Variants in LCP1 observed in about 807,000 individuals in gnomAD.
LCP1 encodes the protein lymphocyte cytosolic protein 1.
A neutral mutation model predicts 72.0 loss-of-function variants in LCP1; 23 were observed. The ratio of observed to expected loss-of-function variants is 0.32; its 90% CI spans 0.23 to 0.45. LCP1 has a LOEUF of 0.45. LCP1 is among the 20% of genes least tolerant of loss of function. The pLI is 1.00. For synonymous variants in LCP1, 245 were observed against 275.4 expected (o/e 0.89, Z 1.09); for missense variants, 571 against 748.3 (o/e 0.76, Z 2.76).
In LCP1 at chr13:46,152,909, T is replaced by C. The variant is rs772317136; in HGVS notation, c.610A>G (p.Ile204Val). The C allele has an allele frequency of 6.2e-7, 1 of 1,613,776 alleles. No individual in the cohort carries two copies. The highest frequency in any genetic ancestry group is 1.7e-5 in the Admixed American group (1 of 59,902). The stretch of plus-strand genomic sequence containing the variant: ...CCTATGTTGACCACATGGCACCCGA[T>C]GGCTGAGGCAGAGTTCAGAGCCAAG... ...LNLALNSASA[I>V]GCHVVNIGAE... The change falls in exon 7 of 16, where the codon ATC (isoleucine) becomes GTC (valine). Residue 204 changes from isoleucine to valine, a missense_variant. By Grantham distance (29) the Ile-to-Val change is conservative. Transcript: ENST00000323076.
chr13:46,147,519 T>C (rs1363432189), intron 9 of LCP1, among the ~76,000 whole-genome samples: 1 of 152,210 alleles, frequency 6.6e-6, no homozygotes, highest in Non-Finnish European at 1.5e-5. Context: ...CCATAACCAG[T>C]TCACAAAAGA....
Position 46,134,256 on chromosome 13 carries a change from C to T in LCP1, c.1503-6G>A. The T allele has an allele frequency of 1.2e-6, 2 of 1,604,004 alleles. No individual in the cohort carries two copies. The highest frequency in any genetic ancestry group is 1.7e-6 in the Non-Finnish European group (2 of 1,174,756). On this transcript the variant is annotated splice_region_variant and splice_polypyrimidine_tract_variant and intron_variant, in intron 13 of 15. Coordinates refer to ENST00000323076, the MANE Select transcript of LCP1 (RefSeq NM_002298.5). ...CGAGGATATTCAGTGTATACCTGAA[C>T]AAAATAAAGAATGCTTTCTGGAGAA...
chr13:46,143,485 T>A, intron 11 of LCP1, 81 bp from the exon 12 acceptor site: 1 of 885,016 alleles, frequency 1.1e-6, no homozygotes, highest in South Asian at 1.4e-5. Context: ...CTTTCTTACA[T>A]ATTAGTTCAA....
At chr13:46,162,589 C>T (rs1205881929) in intron 1 of LCP1, among the ~76,000 whole-genome samples, 3 of 152,100 alleles carry the variant, frequency 2.0e-5, no homozygotes, top group Non-Finnish European at 4.4e-5. Flanking sequence ...GGCGGAGTCT[C>T]GTTCACTCAG....
chr13:46,142,712 C>A (rs2045705800), intron 12 of LCP1: 2 of 524,920 alleles, frequency 3.8e-6, no homozygotes, highest in Non-Finnish European at 7.3e-6. Context: ...GGAGAGCCAT[C>A]CTTAATTACC....
intron 5 of LCP1, among the ~76,000 whole-genome samples, chr13:46,155,376 T>G (rs2045794089): frequency 6.6e-6 from 1 of 152,158 alleles, no homozygotes; most frequent in Admixed American, 6.5e-5. Flanking sequence ...CTAGGCTGAG[T>G]ACCAATGAGT....
intron 13 of LCP1, among the ~76,000 whole-genome samples, chr13:46,135,999 A>G (rs1454475156): frequency 6.6e-6 from 1 of 150,910 alleles, no homozygotes; most frequent in Non-Finnish European, 1.5e-5. Context: ...GCCCTTTACA[A>G]TTTGGCTCTA....
intron 7 of LCP1, among the ~76,000 whole-genome samples, chr13:46,151,386 G>A (rs1032859518): frequency 2.0e-5 from 3 of 152,300 alleles, no homozygotes; most frequent in East Asian, 1.9e-4. Flanking sequence ...CTACTGGCTC[G>A]GATGTTTTGC....
intron 1 of LCP1, among the ~76,000 whole-genome samples, chr13:46,167,068 G>A (rs1027516188): frequency 6.6e-6 from 1 of 152,132 alleles, no homozygotes; most frequent in Non-Finnish European, 1.5e-5. Flanking sequence ...TCTCCCTGCA[G>A]ATACATGGAT....
Position 46,130,894 on chromosome 13 carries a change from A to G in LCP1, c.1671T>C (p.Asp557=). Residue 557 remains aspartate, a synonymous_variant, in exon 15 of 16, where the codon GAT becomes GAC. Coordinates refer to ENST00000323076, the MANE Select transcript of LCP1 (RefSeq NM_002298.5). ...AGTTAATGGAACCTGGTTGGATGGC[A>G]TCGATGAGGTCCAGAACAGGCAGAC... The part of the protein sequence containing the change: ...STSLPVLDLI[D]AIQPGSINYD... The G allele has an allele frequency of 6.2e-7, 1 of 1,612,794 alleles. No individual in the cohort carries two copies. The highest frequency in any genetic ancestry group is 8.5e-7 in the Non-Finnish European group (1 of 1,179,490).
intron 13 of LCP1, among the ~76,000 whole-genome samples, chr13:46,138,021 G>A (rs992810859): frequency 2.0e-5 from 3 of 152,354 alleles, no homozygotes; most frequent in African/African-American, 7.2e-5. Flanking sequence ...CCTGGGGAGA[G>A]TTTCCTAATT....
intron 1 of LCP1, among the ~76,000 whole-genome samples, chr13:46,175,730 T>C (rs1457225677): frequency 1.3e-5 from 2 of 152,102 alleles, no homozygotes; most frequent in Non-Finnish European, 2.9e-5. Context: ...ATCCAAAGTT[T>C]TCCAAGGTGC....
intron 11 of LCP1, among the ~76,000 whole-genome samples, chr13:46,144,199 A>G (rs1051877941): frequency 6.6e-6 from 1 of 152,242 alleles, no homozygotes; most frequent in South Asian, 2.1e-4. Flanking sequence ...CACTTATGAC[A>G]TATAGTAAAT....
rs113348155 is a variant in LCP1, at chr13:46,128,553, G to A, written c.1752-830C>T. Among the ~76,000 whole-genome samples the A allele has an allele frequency of 7.8e-3, 1,185 of 152,104 alleles. 12 individuals carry two copies. Among genetic ancestry groups the A allele is most frequent in the African/African-American group, 0.027 (1,117 of 41,504 alleles). Reference sequence around the variant, plus strand: ...GCGGAGGCTGCAGTGAGCCAAGATCGTGCCACTGTAGTCCAGCCTGGGCAA... The same window carrying A: ...GCGGAGGCTGCAGTGAGCCAAGATCATGCCACTGTAGTCCAGCCTGGGCAA... On this transcript the variant is annotated intron_variant, in intron 15 of 15. Coordinates refer to ENST00000323076, the MANE Select transcript of LCP1 (RefSeq NM_002298.5).
In LCP1 at chr13:46,164,396, C is replaced by T. The variant is rs568353863; in HGVS notation, c.-24-4710G>A. ...ATTCATTTAAAAGACATAGAAAGTA[C>T]ATGTATTTTAAAATCATATTATTTT... On this transcript the variant is annotated intron_variant, in intron 1 of 15. Coordinates refer to ENST00000323076, the MANE Select transcript of LCP1 (RefSeq NM_002298.5). Among the ~76,000 whole-genome samples, 127 of 152,220 alleles carry T rather than the reference C, an allele frequency of 8.3e-4. 1 individual carries two copies. Among genetic ancestry groups the T allele is most frequent in the African/African-American group, 2.8e-3 (118 of 41,522 alleles).
At position 46,151,025 on chromosome 13, in the gene LCP1, A is replaced by T. The variant is rs1457976735; in HGVS notation, c.793T>A (p.Ser265Thr). The change falls in exon 8 of 16, where the codon TCC (serine) becomes ACC (threonine). Residue 265 changes from serine to threonine, a missense_variant. Physicochemically the swap from Ser to Thr is moderately conservative, Grantham distance 58. Transcript: ENST00000323076. ...CACCTCAGCAAGAGCTCTTCAGGGG[A>T]GAGTTTCATCAAATCCTCCAGGCTC... is the stretch of plus-strand genomic sequence containing the variant. ...GESLEDLMKL[S>T]PEELLLRWAN... The T allele has an allele frequency of 2.5e-6, 4 of 1,613,984 alleles. No homozygotes were observed. Among genetic ancestry groups the T allele is most frequent in the Non-Finnish European group, 3.4e-6 (4 of 1,179,938 alleles).
intron 14 of LCP1, among the ~76,000 whole-genome samples, chr13:46,133,468 C>T (rs2045645362): frequency 6.6e-6 from 1 of 151,720 alleles, no homozygotes; most frequent in Non-Finnish European, 1.5e-5. Flanking sequence ...TCCAAACAAA[C>T]AAACAAAAAT....
intron 14 of LCP1, among the ~76,000 whole-genome samples, chr13:46,133,259 A>C (rs1231349620): frequency 3.9e-5 from 6 of 152,334 alleles, no homozygotes; most frequent in Admixed American, 1.3e-4. Context: ...TTGAAAGAAC[A>C]ATGCCTAAAA....
intron 10 of LCP1, 22 bp downstream of exon 10, chr13:46,146,886 T>C (rs765273922): frequency 6.2e-7 from 1 of 1,612,736 alleles, no homozygotes; most frequent in Admixed American, 1.7e-5. Context: ...TTCCCCATCT[T>C]AGGCAAATCG....
Sources: allele counts gnomAD v4.1 joint callset (sites outside exome capture counted in the v4.1 genomes callset), GRCh38; gene constraint gnomAD v4.1.1; transcripts MANE v1.5; gene names NCBI Gene and HGNC (gene_info 2026-07-23, HGNC 2026-07-21).